KPNA6: variants seen among roughly 807,000 people sequenced by gnomAD.
KPNA6 encodes the protein karyopherin subunit alpha 6, also known as importin subunit alpha-7.
A neutral mutation model predicts 72.0 loss-of-function variants in KPNA6; 9 were observed. The ratio of observed to expected loss-of-function variants is 0.13; its 90% CI spans 0.08 to 0.22. The LOEUF (loss-of-function observed/expected upper bound fraction) is 0.22, where lower values mean the gene tolerates loss of function less well. KPNA6 is among the 10% of genes least tolerant of loss of function. The pLI, the probability that KPNA6 is intolerant of heterozygous loss-of-function variation, is 1.00. For missense variants in KPNA6, 374 were observed against 655.7 expected, an observed-to-expected ratio of 0.57 and a Z score of 4.69; for synonymous variants, 219 against 242.1, an observed-to-expected ratio of 0.90 and a Z score of 0.89.
At chr1:32,154,261 A>G (rs759362619) in intron 1 of KPNA6, among the ~76,000 whole-genome samples, 2 of 152,210 alleles carry the variant, frequency 1.3e-5, no homozygotes, top group African/African-American at 4.8e-5. Context: ...CTGAAGCAAT[A>G]AAAGTTACAG....
intron 1 of KPNA6, among the ~76,000 whole-genome samples, chr1:32,119,030 A>ATTTTTTTTTTT (rs1402526300): frequency 3.5e-5 from 2 of 56,522 alleles, no homozygotes; most frequent in African/African-American, 7.8e-5. Flanking sequence ...ATATATATAT[A>ATTTTTTTTTTT]TATTTTTTTT....
At chr1:32,161,031 C>G (rs960382389) in intron 7 of KPNA6, among the ~76,000 whole-genome samples, 5 of 152,074 alleles carry the variant, frequency 3.3e-5, no homozygotes, top group African/African-American at 1.2e-4. Context: ...TGGCAGGCAC[C>G]TGTAGACTCA....
chr1:32,171,166 C>A lies in KPNA6; in HGVS notation c.*272C>A. 2.4e-6 allele frequency: 1 copy of A among 417,214 alleles called. No homozygotes were observed. Among genetic ancestry groups the A allele is most frequent in the Non-Finnish European group, 4.3e-6 (1 of 231,468 alleles). 25.8% of individuals were successfully genotyped at this position (417,214 alleles called of 1,614,324 possible). ...CACTATATTTTGGCTGCACACATGT[C>A]TTTAACCCAGGAGCCCAGGGGTAGA... is the stretch of plus-strand genomic sequence containing the variant. On this transcript the variant is annotated 3_prime_UTR_variant, in exon 14 of 14. Transcript: ENST00000373625.
chr1:32,137,226 G>A (rs1449543713), intron 1 of KPNA6, among the ~76,000 whole-genome samples: 1 of 152,070 alleles, frequency 6.6e-6, no homozygotes, highest in African/African-American at 2.4e-5. Context: ...ACCCAAGCTG[G>A]AGCACTGTGA....
intron 1 of KPNA6, among the ~76,000 whole-genome samples, chr1:32,148,864 T>C (rs949938315): frequency 4.0e-5 from 6 of 150,680 alleles, no homozygotes; most frequent in Admixed American, 3.3e-4. Context: ...GCCCCCCTAC[T>C]TTTTTTTCAA....
chr1:32,143,594 A>C (rs1302245485), intron 1 of KPNA6, among the ~76,000 whole-genome samples: 1 of 149,348 alleles, frequency 6.7e-6, no homozygotes, highest in Non-Finnish European at 1.5e-5. Flanking sequence ...AAAGAAAAGA[A>C]AAAAAAATTA....
Position 32,109,811 on chromosome 1 carries a change from A to AT in KPNA6, c.4+1685dup, listed in dbSNP as rs527521919. 6.6e-4 allele frequency among the ~76,000 whole-genome samples: 100 copies of AT among 150,742 alleles called. 1 individual carries two copies. Among genetic ancestry groups the AT allele is most frequent in the African/African-American group, 2.1e-3 (88 of 41,120 alleles). Reference sequence around the variant, plus strand: ...AGGTGCCCGCCACCACGCCTGGATAATTTTTTTTGTATTTTTTTGTATTTT... The same window carrying AT: ...AGGTGCCCGCCACCACGCCTGGATAATTTTTTTTTGTATTTTTTTGTATTTT... On this transcript the variant is annotated intron_variant, in intron 1 of 13. Coordinates refer to ENST00000373625, the MANE Select transcript of KPNA6 (RefSeq NM_012316.5).
intron 1 of KPNA6, among the ~76,000 whole-genome samples, chr1:32,136,164 A>C (rs1165655844): frequency 6.8e-6 from 1 of 147,162 alleles, no homozygotes; most frequent in Non-Finnish European, 1.5e-5. Flanking sequence ...TATAAAATCC[A>C]CATTTCTAGC....
chr1:32,152,843 TA>T (rs912217375), intron 1 of KPNA6, among the ~76,000 whole-genome samples: 2 of 148,758 alleles, frequency 1.3e-5, no homozygotes, highest in Non-Finnish European at 3.0e-5. Context: ...AGACTCTGTC[TA>T]AAAAAAATAA....
chr1:32,148,229 C>A (rs986414010), intron 1 of KPNA6, among the ~76,000 whole-genome samples: 1 of 152,030 alleles, frequency 6.6e-6, no homozygotes. Context: ...CTTAGCCCCC[C>A]CACTTGCTGG....
intron 12 of KPNA6, among the ~76,000 whole-genome samples, chr1:32,169,447 TTTTC>T (rs990209031): frequency 1.9e-4 from 28 of 147,792 alleles, no homozygotes; most frequent in African/African-American, 6.7e-4. Context: ...TTTTCTTTTC[TTTTC>T]TTTTTTTTTT....
chr1:32,137,285 G>A (rs938622004), intron 1 of KPNA6, among the ~76,000 whole-genome samples: 2 of 151,942 alleles, frequency 1.3e-5, no homozygotes, highest in Admixed American at 6.6e-5. Context: ...GCAATCCTCC[G>A]AGCTCAGCCT....
rs67312157 is a variant in KPNA6, at chr1:32,128,387, T to TTATATATATATA, written c.4+20282_4+20293dup. Reference sequence around the variant, plus strand: ...TATATTTTTTATATTATATATGTATTTATATATATATATATATATATATAT... The same window carrying TTATATATATATA: ...TATATTTTTTATATTATATATGTATTTATATATATATATATATATATATATATATATATATAT... On this transcript the variant is annotated intron_variant, in intron 1 of 13. Coordinates refer to ENST00000373625, the MANE Select transcript of KPNA6 (RefSeq NM_012316.5). 9.8e-3 allele frequency among the ~76,000 whole-genome samples: 707 copies of TTATATATATATA among 72,064 alleles called. 17 individuals are homozygous for TTATATATATATA. The highest frequency in any genetic ancestry group is 0.015 in the Non-Finnish European group (544 of 35,878). The allele number at this position is 72,064 out of a possible 152,430, so 47.3% of individuals were successfully genotyped here. A position where few individuals can be genotyped will look rare whatever the true frequency, so the allele number is the denominator to read the frequency against.
At chr1:32,147,909 G>A (rs531221822) in intron 1 of KPNA6, among the ~76,000 whole-genome samples, 2 of 151,774 alleles carry the variant, frequency 1.3e-5, no homozygotes, top group African/African-American at 2.4e-5. Flanking sequence ...CAAGCCATTC[G>A]CCTGCCTTGG....
intron 1 of KPNA6, among the ~76,000 whole-genome samples, chr1:32,129,317 A>T (rs1300061202): frequency 6.6e-6 from 1 of 151,218 alleles, no homozygotes; most frequent in African/African-American, 2.4e-5. Context: ...ATGTACCACC[A>T]TGCCTGGCTA....
chr1:32,120,231 A>T (rs924916365), intron 1 of KPNA6, among the ~76,000 whole-genome samples: 5 of 150,940 alleles, frequency 3.3e-5, no homozygotes, highest in African/African-American at 1.2e-4. Context: ...AATTATATGT[A>T]TTTTTTTAAA....
intron 1 of KPNA6, among the ~76,000 whole-genome samples, chr1:32,141,107 A>G (rs1343758741): frequency 1.3e-5 from 2 of 152,028 alleles, no homozygotes; most frequent in African/African-American, 4.8e-5. Flanking sequence ...GGTTGGTTGG[A>G]TCTGTGGTCT....
Position 32,119,030 on chromosome 1 carries a change from A to ATTTTT in KPNA6, c.4+10897_4+10898insTTTTT, listed in dbSNP as rs1402526300. 1.9e-4 allele frequency among the ~76,000 whole-genome samples: 11 copies of ATTTTT among 56,516 alleles called. No individual in the cohort carries two copies. The South Asian group carries it at 3.1e-3, about 16-fold the overall frequency. The allele number at this position is 56,516 out of a possible 152,430, so 37.1% of individuals were successfully genotyped here. A position where few individuals can be genotyped will look rare whatever the true frequency, so the allele number is the denominator to read the frequency against. Reference sequence around the variant, plus strand: ...TATATATATATATATATATATATATATATTTTTTTTTTTTTTTTTGAGAGA... The same window carrying ATTTTT: ...TATATATATATATATATATATATATATTTTTTATTTTTTTTTTTTTTTTTGAGAGA... On this transcript the variant is annotated intron_variant, in intron 1 of 13. Transcript: ENST00000373625.
chr1:32,160,777 C>G, intron 7 of KPNA6, 74 bp downstream of exon 7: 1 of 1,010,036 alleles, frequency 9.9e-7, no homozygotes, highest in Non-Finnish European at 1.6e-6. Flanking sequence ...GGGCAGCATA[C>G]TTGATTCCTT....
Sources: allele counts gnomAD v4.1 joint callset (sites outside exome capture counted in the v4.1 genomes callset), GRCh38; gene constraint gnomAD v4.1.1; transcripts MANE v1.5; gene names NCBI Gene and HGNC (gene_info 2026-07-23, HGNC 2026-07-21).